Variants in USP8 observed in about 807,000 individuals in gnomAD.
The protein encoded by USP8 is ubiquitin carboxyl-terminal hydrolase 8.
In USP8, 27 loss-of-function variants were observed where a neutral mutation model predicts 130.0. That is an observed-to-expected ratio of 0.21 (90% confidence interval 0.15 to 0.29). The LOEUF is 0.29. USP8 is among the 10% of genes least tolerant of loss of function. The pLI, the probability that USP8 is intolerant of heterozygous loss-of-function variation, is 1.00. For synonymous variants in USP8, 392 were observed against 444.1 expected (o/e 0.88, Z 1.48); for missense variants, 1,029 against 1,312.2 (o/e 0.78, Z 3.33).
chr15:50,459,996 C>CCCCCCTT (rs567135111), intron 5 of USP8, among the ~76,000 whole-genome samples: 1 of 91,984 alleles, frequency 1.1e-5, no homozygotes, highest in Non-Finnish European at 2.1e-5. Context: ...CACCCCCCCC[C>CCCCCCTT]TTTTTTTTTT....
intron 14 of USP8, among the ~76,000 whole-genome samples, chr15:50,490,822 C>T (rs34966501): frequency 1.4e-3 from 209 of 152,154 alleles, no homozygotes; most frequent in Non-Finnish European, 2.5e-3. Flanking sequence ...TTTCATAGAC[C>T]GCCTGTGGTC....
intron 8 of USP8, among the ~76,000 whole-genome samples, chr15:50,474,290 A>C (rs1387881253): frequency 1.3e-5 from 2 of 152,224 alleles, no homozygotes; most frequent in Non-Finnish European, 2.9e-5. Context: ...GGTGTGAGCC[A>C]CCACACCCAG....
At chr15:50,485,803 G>T (rs558746042) in intron 12 of USP8, among the ~76,000 whole-genome samples, 1 of 151,714 alleles carries the variant, frequency 6.6e-6, no homozygotes, top group African/African-American at 2.4e-5. Context: ...AAAATCTGAG[G>T]ATGCTCAAGT....
chr15:50,492,391 C>T (rs543200874), intron 14 of USP8, among the ~76,000 whole-genome samples: 4 of 152,050 alleles, frequency 2.6e-5, no homozygotes, highest in African/African-American at 9.7e-5. Flanking sequence ...TTTAAAAGAG[C>T]CTTCTCTACT....
chr15:50,476,167 C>T (rs1014022199), intron 8 of USP8, among the ~76,000 whole-genome samples: 1 of 152,178 alleles, frequency 6.6e-6, no homozygotes, highest in Admixed American at 6.5e-5. Context: ...TGCAGCGGCT[C>T]ACGCCTATAA....
chr15:50,468,462 T>TG (rs2051268151), intron 7 of USP8, among the ~76,000 whole-genome samples: 1 of 149,102 alleles, frequency 6.7e-6, no homozygotes, highest in African/African-American at 2.5e-5. Flanking sequence ...AGGCTGGTCT[T>TG]GAACTCCTGG....
At chr15:50,460,309 T>C (rs1160887389) in intron 5 of USP8, among the ~76,000 whole-genome samples, 3 of 142,906 alleles carry the variant, frequency 2.1e-5, no homozygotes, top group Non-Finnish European at 4.6e-5. Flanking sequence ...TTCTTTTTTT[T>C]TTTTTTTTTT....
At chr15:50,433,360 A>G (rs1176422511) in intron 1 of USP8, among the ~76,000 whole-genome samples, 1 of 152,222 alleles carries the variant, frequency 6.6e-6, no homozygotes, top group South Asian at 2.1e-4. Flanking sequence ...GTTGCTGCCT[A>G]AGGGCAGAAA....
chr15:50,498,466 C>G (rs561319473), intron 18 of USP8, 130 bp from the exon 19 acceptor site: 8 of 1,225,462 alleles, frequency 6.5e-6, no homozygotes, highest in Admixed American at 5.9e-5. Flanking sequence ...GGTTCCTCTA[C>G]TACTAAAATT....
In USP8 at chr15:50,508,631, C is replaced by T. The variant is rs1227380737; in HGVS notation, c.*9543C>T. ...GAGATAACACTGTAAGAGGAATAAC[C>T]CATAAAGCAGAAAACAAAGATGTAA... is the stretch of plus-strand genomic sequence containing the variant. On this transcript the variant is annotated 3_prime_UTR_variant, in exon 20 of 20. Coordinates refer to ENST00000307179, the MANE Select transcript of USP8 (RefSeq NM_005154.5). The T allele has an allele frequency of 6.6e-6, 1 of 151,912 alleles. No individual in the cohort carries two copies. Among genetic ancestry groups the T allele is most frequent in the African/African-American group, 2.4e-5 (1 of 41,352 alleles). The allele number at this position is 151,912 out of a possible 1,614,324, so 9.4% of individuals were successfully genotyped here.
In USP8 at chr15:50,460,886, G is replaced by A. The variant is rs562424926; in HGVS notation, c.499-1394G>A. On this transcript the variant is annotated intron_variant, in intron 5 of 19. Coordinates refer to ENST00000307179, the MANE Select transcript of USP8 (RefSeq NM_005154.5). Reference sequence around the variant, plus strand: ...AAAAAGTCGTTGTTGGCTGGGTGTGGTGGCTCACACCTGTAATCCCAGCTC... The same window carrying A: ...AAAAAGTCGTTGTTGGCTGGGTGTGATGGCTCACACCTGTAATCCCAGCTC... Among the ~76,000 whole-genome samples the A allele has an allele frequency of 2.0e-5, 3 of 152,194 alleles. No homozygotes were observed. The East Asian group carries it at 5.8e-4, about 29-fold the overall frequency.
At chr15:50,455,421 A>AT (rs1404711744) in intron 4 of USP8, among the ~76,000 whole-genome samples, 1 of 143,180 alleles carries the variant, frequency 7.0e-6, no homozygotes, top group Non-Finnish European at 1.6e-5. Context: ...AGCGTCTATT[A>AT]TTTTTTTACA....
intron 10 of USP8, 115 bp from the exon 11 acceptor site, chr15:50,481,366 C>G (rs188590381): frequency 2.9e-6 from 2 of 687,852 alleles, no homozygotes; most frequent in East Asian, 6.1e-5. Flanking sequence ...AATAGATGTG[C>G]TGATAGATGT....
chr15:50,441,443 G>C lies in USP8; in HGVS notation c.199G>C (p.Val67Leu). 6.3e-7 allele frequency: 1 copy of C among 1,598,786 alleles called. No individual in the cohort carries two copies. Among genetic ancestry groups the C allele is most frequent in the Non-Finnish European group, 8.5e-7 (1 of 1,175,620 alleles). ...GGCCTATGTACTATATATGAAATAC[G>C]TGACTGTTTATAATCTTATCAAAAA... ...ERAYVLYMKY[V>L]TVYNLIKKRP... The change falls in exon 3 of 20, where the codon GTG (valine) becomes CTG (leucine). Residue 67 changes from valine to leucine, a missense_variant. Physicochemically the swap from Val to Leu is conservative, Grantham distance 32. Around this residue, in one of 4 missense-constraint regions of USP8, gnomAD observed 281 missense variants for 336.7 expected, o/e 0.83. Transcript: ENST00000307179.
intron 7 of USP8, among the ~76,000 whole-genome samples, chr15:50,467,807 G>A (rs7177830): frequency 0.011 from 1,710 of 152,068 alleles, 43 homozygotes; most frequent in African/African-American, 0.04. Flanking sequence ...TCCTCCCACC[G>A]TAGCCTCCCA....
intron 19 of USP8, 46 bp downstream of exon 19, chr15:50,498,774 TA>T (rs1390585570): frequency 8.0e-5 from 126 of 1,567,072 alleles, no homozygotes; most frequent in Non-Finnish European, 1.1e-4. Flanking sequence ...AAAGCAAGTT[TA>T]AAAAAAGTTT....
At chr15:50,456,797 A>AATTGCTTG (rs2050806226) in intron 4 of USP8, among the ~76,000 whole-genome samples, 1 of 152,180 alleles carries the variant, frequency 6.6e-6, no homozygotes, top group African/African-American at 2.4e-5. Context: ...GAGGCAGGAG[A>AATTGCTTG]ATTGCTTGAA....
intron 4 of USP8, among the ~76,000 whole-genome samples, chr15:50,454,455 C>CTTTTTTT (rs112075064): frequency 7.4e-6 from 1 of 134,976 alleles, no homozygotes; most frequent in African/African-American, 2.7e-5. Context: ...ATTTTCTTTT[C>CTTTTTTT]TTTTTTTTTT....
intron 3 of USP8, among the ~76,000 whole-genome samples, chr15:50,447,806 A>G (rs1235839866): frequency 4.1e-5 from 6 of 145,314 alleles, no homozygotes; most frequent in Non-Finnish European, 7.5e-5. Flanking sequence ...GTCTCACTAT[A>G]TGCCCAGGCA....
Sources: allele counts gnomAD v4.1 joint callset (sites outside exome capture counted in the v4.1 genomes callset), GRCh38; gene constraint gnomAD v4.1.1; regional missense constraint gnomAD v4.1.1; transcripts MANE v1.5; gene names NCBI Gene and HGNC (gene_info 2026-07-23, HGNC 2026-07-21).